PCDHGB2: variants seen among roughly 807,000 people sequenced by gnomAD.
The protein encoded by PCDHGB2 is protocadherin gamma subfamily B, 2.
Under a neutral mutation model 59.3 loss-of-function variants are expected in PCDHGB2, and 55 were observed. That is an observed-to-expected ratio of 0.93 (90% CI 0.75 to 1.16). The LOEUF (loss-of-function observed/expected upper bound fraction) is 1.16. Ranked by LOEUF, PCDHGB2 falls within the 50% of genes most tolerant of loss-of-function variation. The pLI is 0.00. For synonymous variants in PCDHGB2, 516 were observed against 512.0 expected, an observed-to-expected ratio of 1.01 and a Z score of -0.11; for missense variants, 1,228 against 1,198.5, an observed-to-expected ratio of 1.02 and a Z score of -0.36.
chr5:141,485,003 A>G lies in PCDHGB2; in HGVS notation c.2422-9804A>G. On this transcript the variant is annotated intron_variant, in intron 1 of 3. Coordinates refer to ENST00000522605, the MANE Select transcript of PCDHGB2 (RefSeq NM_018923.3). The surrounding 1 kb of genome is among the most constrained non-coding windows in gnomAD (Gnocchi z 5.7). ...CAATCGGGTGGTGAAAGGCAGACAA[A>G]TCTACCCCGCCACCAGCAAAAACGG... 1 of 620,758 alleles carries G rather than the reference A, an allele frequency of 1.6e-6. No homozygotes were observed. The highest frequency in any genetic ancestry group is 2.0e-5 in the South Asian group (1 of 50,492). The allele number at this position is 620,758 out of a possible 1,614,324, so 38.5% of individuals were successfully genotyped here.
At position 141,487,063 on chromosome 5, in the gene PCDHGB2, G is replaced by A. The variant is rs754361361; in HGVS notation, c.2422-7744G>A. 39 of 1,614,086 alleles carry A rather than the reference G, an allele frequency of 2.4e-5. No individual in the cohort carries two copies. In the South Asian group the frequency reaches 3.7e-4, roughly 15 times the overall value. The stretch of plus-strand genomic sequence containing the variant: ...CTCGATATGCTGGGGAGGTGCGGAC[G>A]GCTGTTCCTATCCCAGCTGACCTCC... On this transcript the variant is annotated intron_variant, in intron 1 of 3. Transcript: ENST00000522605. The surrounding 1 kb of genome is among the most constrained non-coding windows in gnomAD (Gnocchi z 5.0).
chr5:141,429,048 G>A (rs2097180589), intron 1 of PCDHGB2: 5 of 152,064 alleles, frequency 3.3e-5, no homozygotes, highest in Admixed American at 3.3e-4. Context: ...TACAGACGGG[G>A]TTTCACCGTG....
At chr5:141,394,851 C>T in intron 1 of PCDHGB2, 1 of 1,613,824 alleles carries the variant, frequency 6.2e-7, no homozygotes, top group Non-Finnish European at 8.5e-7. Context: ...CAGTCTGAAG[C>T]CTTCGGTCGA....
chr5:141,401,836 A>G (rs1400731084), intron 1 of PCDHGB2, among the ~76,000 whole-genome samples: 3 of 152,204 alleles, frequency 2.0e-5, no homozygotes, highest in Admixed American at 1.3e-4. Flanking sequence ...GATTTCTTAT[A>G]ATACCACTTA....
At chr5:141,397,943 C>T in intron 1 of PCDHGB2, 1 of 892,874 alleles carries the variant, frequency 1.1e-6, no homozygotes, top group South Asian at 1.8e-5. Flanking sequence ...GCGCGCTTTC[C>T]AGGGCAGCCC....
intron 1 of PCDHGB2, among the ~76,000 whole-genome samples, chr5:141,470,151 CT>C (rs746135943): frequency 7.2e-5 from 11 of 152,164 alleles, no homozygotes; most frequent in Non-Finnish European, 1.6e-4. Flanking sequence ...CATAGATCAT[CT>C]TATCAAATCA....
intron 1 of PCDHGB2, chr5:141,399,420 C>T (rs1257006819): frequency 1.9e-6 from 3 of 1,614,034 alleles, no homozygotes; most frequent in Non-Finnish European, 2.5e-6. Flanking sequence ...TCTCCTCCAG[C>T]ATAAGCGTCA....
chr5:141,453,746 T>C (rs1345046460), intron 1 of PCDHGB2, among the ~76,000 whole-genome samples: 1 of 152,254 alleles, frequency 6.6e-6, no homozygotes, highest in Non-Finnish European at 1.5e-5. Flanking sequence ...TTAAATAACA[T>C]AAGTCTCCTA....
rs1195194477 is a variant in PCDHGB2, at chr5:141,432,620, C to G, written c.2422-62187C>G. On this transcript the variant is annotated intron_variant, in intron 1 of 3. Transcript: ENST00000522605. The surrounding 1 kb of genome is among the most constrained non-coding windows in gnomAD (Gnocchi z 6.0). ...CGAGCCGGGACTCTTCTCGGTGGGTCTGCACACGGGCGAGGTGCGCACGGC... is the reference window on the plus strand; with the variant it reads ...CGAGCCGGGACTCTTCTCGGTGGGTGTGCACACGGGCGAGGTGCGCACGGC... 6 of 1,613,190 alleles carry G rather than the reference C, an allele frequency of 3.7e-6. No individual in the cohort carries two copies. Among genetic ancestry groups the G allele is most frequent in the Admixed American group, 1.7e-5 (1 of 59,978 alleles).
At chr5:141,401,226 C>T (rs960294428) in intron 1 of PCDHGB2, among the ~76,000 whole-genome samples, 1 of 152,102 alleles carries the variant, frequency 6.6e-6, no homozygotes, top group African/African-American at 2.4e-5. Context: ...CCTGTAATCC[C>T]AGCTACTCAG....
chr5:141,401,211 G>A (rs1180713351), intron 1 of PCDHGB2, among the ~76,000 whole-genome samples: 5 of 151,994 alleles, frequency 3.3e-5, no homozygotes, highest in South Asian at 2.1e-4. Context: ...GTGTGGTGGC[G>A]GGCGCCTGTA....
Position 141,489,138 on chromosome 5 carries a change from T to C in PCDHGB2, c.2422-5669T>C. 1.4e-6 allele frequency: 1 copy of C among 738,808 alleles called. No homozygotes were observed. The highest frequency in any genetic ancestry group is 3.0e-5 in the Admixed American group (1 of 33,014). The allele number at this position is 738,808 out of a possible 1,614,324, so 45.8% of individuals were successfully genotyped here. On this transcript the variant is annotated intron_variant, in intron 1 of 3. Transcript: ENST00000522605. This position sits in a 1 kb window ranked among gnomAD's most constrained non-coding sequence, Gnocchi z 4.5. ...AACCTCCGAGCAGTTTTTAAGAGGC[T>C]GGAAGGAGACATAAGAGACTTCAGC...
intron 1 of PCDHGB2, chr5:141,393,085 A>T (rs1350561914): frequency 5.6e-6 from 9 of 1,613,542 alleles, no homozygotes; most frequent in Non-Finnish European, 7.6e-6. Flanking sequence ...GGCAGGATAG[A>T]TCGGGAGGAG....
At position 141,431,556 on chromosome 5, in the gene PCDHGB2, C is replaced by G. The variant is rs1561853752; in HGVS notation, c.2422-63251C>G. ...GGCACGCAGCTGCTTGTAGTCAACGCTACCGACCCTGACGAAGGAGTCAAT... is the reference window on the plus strand; with the variant it reads ...GGCACGCAGCTGCTTGTAGTCAACGGTACCGACCCTGACGAAGGAGTCAAT... On this transcript the variant is annotated intron_variant, in intron 1 of 3. Transcript: ENST00000522605. The surrounding 1 kb of genome is among the most constrained non-coding windows in gnomAD (Gnocchi z 4.8). 3 of 1,614,138 alleles carry G rather than the reference C, an allele frequency of 1.9e-6. No individual in the cohort carries two copies. The highest frequency in any genetic ancestry group is 2.5e-6 in the Non-Finnish European group (3 of 1,180,022).
At chr5:141,440,106 T>A (rs1288263875) in intron 1 of PCDHGB2, 1 of 152,228 alleles carries the variant, frequency 6.6e-6, no homozygotes, top group East Asian at 1.9e-4. Flanking sequence ...AGTGGAGACT[T>A]ACTTGTGAAT....
At chr5:141,501,691 G>C (rs910322085) in intron 2 of PCDHGB2, among the ~76,000 whole-genome samples, 1 of 152,092 alleles carries the variant, frequency 6.6e-6, no homozygotes, top group Non-Finnish European at 1.5e-5. Context: ...CTTATCTGCA[G>C]GGTGATTCCG....
At chr5:141,480,927 C>T (rs1562083028) in intron 1 of PCDHGB2, among the ~76,000 whole-genome samples, 1 of 152,090 alleles carries the variant, frequency 6.6e-6, no homozygotes, top group Non-Finnish European at 1.5e-5. Context: ...TACCTGTAGT[C>T]CCAGCTACTC....
At chr5:141,504,980 G>A (rs113323355) in intron 2 of PCDHGB2, among the ~76,000 whole-genome samples, 174 of 152,196 alleles carry the variant, frequency 1.1e-3, no homozygotes, top group African/African-American at 3.9e-3. Context: ...TGGCCAACAT[G>A]GTGAAACCCC....
intron 1 of PCDHGB2, chr5:141,371,175 G>A: frequency 3.1e-6 from 5 of 1,614,004 alleles, no homozygotes; most frequent in Non-Finnish European, 4.2e-6. Flanking sequence ...TGGCTCCTCC[G>A]TATTAAAAGT....
Sources: gnomAD v4.1 joint callset for allele counts (sites outside exome capture counted in the v4.1 genomes callset) on GRCh38, gnomAD v4.1.1 for gene constraint, Gnocchi (gnomAD v3.1) non-coding constraint, MANE v1.5 for transcripts, NCBI Gene and HGNC (gene_info 2026-07-23, HGNC 2026-07-21) for gene names.